Variants in MTHFD1 observed in about 807,000 individuals in gnomAD.
MTHFD1 encodes C-1-tetrahydrofolate synthase, cytoplasmic.
MTHFD1 carries 44 observed loss-of-function variants against 110.3 expected under a neutral mutation model. The ratio of observed to expected loss-of-function variants is 0.40; its 90% CI spans 0.31 to 0.51. MTHFD1 has a LOEUF of 0.51. MTHFD1 is among the 20% of genes least tolerant of loss of function. The pLI is 0.60. For synonymous variants in MTHFD1, 402 were observed against 428.8 expected, an observed-to-expected ratio of 0.94 and a Z score of 0.77; for missense variants, 909 against 1,173.1, an observed-to-expected ratio of 0.77 and a Z score of 3.29.
At chr14:64,425,867 G>A in intron 10 of MTHFD1, 40 bp downstream of exon 10, 2 of 1,601,408 alleles carry the variant, frequency 1.2e-6, no homozygotes, top group Non-Finnish European at 1.7e-6. Context: ...TTTGTGAATT[G>A]TTGGTTTTTA....
intron 1 of MTHFD1, chr14:64,389,204 T>C (rs1378437222): frequency 6.6e-6 from 1 of 152,030 alleles, no homozygotes; most frequent in Non-Finnish European, 1.5e-5. Flanking sequence ...TGAGGAAAAA[T>C]GAGAGTAGAA....
At chr14:64,434,278 C>T (rs1213170217) in intron 15 of MTHFD1, among the ~76,000 whole-genome samples, 1 of 152,122 alleles carries the variant, frequency 6.6e-6, no homozygotes, top group Non-Finnish European at 1.5e-5. Context: ...GTGATAAGAA[C>T]TGTTTGCAAG....
chr14:64,401,292 C>T (rs2077894525), intron 2 of MTHFD1, among the ~76,000 whole-genome samples: 1 of 152,170 alleles, frequency 6.6e-6, no homozygotes. Context: ...CCTGCCAAAG[C>T]ATGGGTATTA....
At position 64,459,899 on chromosome 14, in the gene MTHFD1, A is replaced by G. The variant is rs1332513931; in HGVS notation, c.*145A>G. ...TGAAACTAATAGTAGGAGTTTCCCC[A>G]GAAGTCATTTTCAGCCTTAATTCTC... is the stretch of plus-strand genomic sequence containing the variant. On this transcript the variant is annotated 3_prime_UTR_variant, in exon 28 of 28. Coordinates refer to ENST00000652337, the MANE Select transcript of MTHFD1 (RefSeq NM_005956.4). 4 of 1,536,090 alleles carry G rather than the reference A, an allele frequency of 2.6e-6. No homozygotes were observed. The Admixed American group carries it at 5.9e-5, about 23-fold the overall frequency.
Position 64,444,512 on chromosome 14 carries a change from G to A in MTHFD1, c.2137-181G>A, listed in dbSNP as rs146129755. 8.5e-5 allele frequency among the ~76,000 whole-genome samples: 13 copies of A among 152,166 alleles called. No individual in the cohort carries two copies. In the South Asian group the frequency reaches 1.9e-3, roughly 22 times the overall value. ...GTCTTCCACGCTGCCCAAAGCAGTC[G>A]ATTTTGTTCTGTGCTGTGTGATTGG... On this transcript the variant is annotated intron_variant, in intron 21 of 27. Coordinates refer to ENST00000652337, the MANE Select transcript of MTHFD1 (RefSeq NM_005956.4).
intron 1 of MTHFD1, among the ~76,000 whole-genome samples, chr14:64,391,959 C>T (rs2077809252): frequency 6.6e-6 from 1 of 152,156 alleles, no homozygotes; most frequent in South Asian, 2.1e-4. Context: ...AGGTGAAACA[C>T]ATTGTGAGCT....
intron 9 of MTHFD1, 63 bp downstream of exon 9, chr14:64,424,994 C>T (rs1485465241): frequency 1.3e-6 from 2 of 1,599,416 alleles, no homozygotes; most frequent in Non-Finnish European, 1.7e-6. Flanking sequence ...GGCTGCTTTT[C>T]TCCCCAAGTA....
At chr14:64,435,280 A>G (rs527859882) in intron 15 of MTHFD1, among the ~76,000 whole-genome samples, 106 of 152,116 alleles carry the variant, frequency 7.0e-4, no homozygotes, top group African/African-American at 2.4e-3. Context: ...CTTCTTTGCT[A>G]GTAAAATCTT....
At chr14:64,436,689 A>G (rs2078208561) in intron 16 of MTHFD1, among the ~76,000 whole-genome samples, 1 of 152,226 alleles carries the variant, frequency 6.6e-6, no homozygotes, top group African/African-American at 2.4e-5. Context: ...TTGCTAGCTA[A>G]TGGCCTTATT....
In MTHFD1 at chr14:64,444,687, T is replaced by C; in HGVS notation, c.2137-6T>C. The C allele has an allele frequency of 6.2e-7, 1 of 1,614,140 alleles. No homozygotes were observed. On this transcript the variant is annotated splice_region_variant and splice_polypyrimidine_tract_variant and intron_variant, in intron 21 of 27. Coordinates refer to ENST00000652337, the MANE Select transcript of MTHFD1 (RefSeq NM_005956.4). Reference sequence around the variant, plus strand: ...ATGCCTCTGACTCTGTTTCTTTTCCTTCCAGGTCACTGCTGGACTGCCTCT... The same window carrying C: ...ATGCCTCTGACTCTGTTTCTTTTCCCTCCAGGTCACTGCTGGACTGCCTCT...
At chr14:64,457,374 A>C (rs560050955) in intron 26 of MTHFD1, among the ~76,000 whole-genome samples, 3 of 152,234 alleles carry the variant, frequency 2.0e-5, no homozygotes, top group Admixed American at 2.0e-4. Flanking sequence ...ACCTCCTGCT[A>C]CTGCTTGTGA....
intron 11 of MTHFD1, among the ~76,000 whole-genome samples, 197 bp downstream of exon 11, chr14:64,426,389 T>C (rs1406423552): frequency 6.6e-6 from 1 of 152,166 alleles, no homozygotes; most frequent in Admixed American, 6.5e-5. Flanking sequence ...GATGAGAAAA[T>C]TGGTCAAGGT....
At chr14:64,441,324 G>A in intron 18 of MTHFD1, 61 bp from the exon 19 acceptor site, 1 of 1,497,134 alleles carries the variant, frequency 6.7e-7, no homozygotes. Flanking sequence ...TCAAATATTG[G>A]TTTCAGAAGG....
At chr14:64,458,139 A>G in intron 26 of MTHFD1, 75 bp from the exon 27 acceptor site, 2 of 1,173,314 alleles carry the variant, frequency 1.7e-6, no homozygotes, top group Non-Finnish European at 2.6e-6. Flanking sequence ...GATCCTCTCC[A>G]CCTCAGCCTG....
At chr14:64,388,589 C>T (rs2140937306) in intron 1 of MTHFD1, 121 bp downstream of exon 1, 1 of 877,654 alleles carries the variant, frequency 1.1e-6, no homozygotes, top group Middle Eastern at 3.3e-4. Context: ...AGGCCCATAA[C>T]ACCTGAAGAC....
Position 64,427,364 on chromosome 14 carries a change from G to A in MTHFD1, c.1155G>A (p.Gly385=), listed in dbSNP as rs935927601. ...TAACTCCAACACCCCTGGGAGAAGG[G>A]AAAAGCACAACTACAATCGGGCTAG... The part of the protein sequence containing the change: ...TGITPTPLGE[G]KSTTTIGLVQ... Residue 385 remains glycine, a synonymous_variant, in exon 12 of 28, where the codon GGG becomes GGA. Coordinates refer to ENST00000652337, the MANE Select transcript of MTHFD1 (RefSeq NM_005956.4). The A allele has an allele frequency of 2.5e-6, 4 of 1,614,070 alleles. No individual in the cohort carries two copies. In the African/African-American group the frequency reaches 5.3e-5, roughly 22 times the overall value.
Position 64,430,344 on chromosome 14 carries a change from G to C in MTHFD1, c.1311+114G>C. On this transcript the variant is annotated intron_variant, in intron 13 of 27. Coordinates refer to ENST00000652337, the MANE Select transcript of MTHFD1 (RefSeq NM_005956.4). ...ACGGAGTCTTGCTCTGTTGCCCAGA[G>C]CTGGAGTGCAATGGCGCAATCTCGG... 6.9e-6 allele frequency: 7 copies of C among 1,019,654 alleles called. 1 individual carries two copies. The South Asian group carries it at 8.9e-5, about 13-fold the overall frequency. The allele number at this position is 1,019,654 out of a possible 1,614,324, so 63.2% of individuals were successfully genotyped here.
chr14:64,416,336 CAG>C (rs2078026641), intron 6 of MTHFD1, among the ~76,000 whole-genome samples: 1 of 152,128 alleles, frequency 6.6e-6, no homozygotes, highest in Non-Finnish European at 1.5e-5. Context: ...GATTTGAATT[CAG>C]AGTTATCTGA....
intron 17 of MTHFD1, 117 bp downstream of exon 17, chr14:64,439,289 C>T: frequency 1.2e-6 from 1 of 812,774 alleles, no homozygotes; most frequent in Non-Finnish European, 2.1e-6. Flanking sequence ...CTGCCTTCTC[C>T]CTTTTAAAAT....
Sources: gnomAD v4.1 joint callset for allele counts (sites outside exome capture counted in the v4.1 genomes callset) on GRCh38, gnomAD v4.1.1 for gene constraint, MANE v1.5 for transcripts, NCBI Gene and HGNC (gene_info 2026-07-23, HGNC 2026-07-21) for gene names.